DPYD: variants seen among roughly 807,000 people sequenced by gnomAD.
DPYD encodes dihydropyrimidine dehydrogenase, also known as dihydropyrimidine dehydrogenase [NADP(+)].
In DPYD, 109 loss-of-function variants were observed where a neutral mutation model predicts 116.2. The observed-to-expected ratio is 0.94, with a 90% CI of 0.80 to 1.10. DPYD has a LOEUF of 1.10. Among genes scored for constraint, DPYD ranks in the 50% least tolerant of loss-of-function variants. The probability of loss-of-function intolerance (pLI) is 0.00; values close to 1 mark genes in which losing one functional copy is unlikely to be tolerated. For missense variants in DPYD, 1,302 were observed against 1,254.5 expected, an observed-to-expected ratio of 1.04 and a Z score of -0.57; for synonymous variants, 440 against 432.0, an observed-to-expected ratio of 1.02 and a Z score of -0.23.
intron 21 of DPYD, among the ~76,000 whole-genome samples, chr1:97,086,255 A>G (rs1027464676): frequency 4.0e-5 from 6 of 150,718 alleles, no homozygotes; most frequent in African/African-American, 1.2e-4. Context: ...GTTTCACCAT[A>G]TTGGCCCGGC....
intron 16 of DPYD, chr1:97,322,887 T>A (rs529378889): frequency 5.7e-4 from 86 of 152,050 alleles, no homozygotes; most frequent in African/African-American, 2.0e-3. Context: ...CAGCTCCTGT[T>A]TTCTTGTTGT....
chr1:97,711,745 A>T (rs936685410), intron 5 of DPYD, among the ~76,000 whole-genome samples: 1 of 152,054 alleles, frequency 6.6e-6, no homozygotes, highest in African/African-American at 2.4e-5. Context: ...TACATCTTTT[A>T]AGAGTTTTTT....
chr1:97,387,354 T>C lies in DPYD; in HGVS notation c.1906-4893A>G, dbSNP rs181922181. Among the ~76,000 whole-genome samples the C allele has an allele frequency of 1.3e-4, 20 of 152,212 alleles. No individual in the cohort carries two copies. The East Asian group carries it at 3.9e-3, about 29-fold the overall frequency. On this transcript the variant is annotated intron_variant, in intron 14 of 22. Transcript: ENST00000370192. ...GACTTAGCATTTTCGTGTATTCAAC[T>C]TCTAACCAATATTTCTTGAGCTCCA...
intron 5 of DPYD, chr1:97,719,619 T>C (rs1662811403): frequency 1.2e-6 from 1 of 805,136 alleles, no homozygotes; most frequent in South Asian, 5.7e-5. Context: ...GTTACTCGTT[T>C]TGTTGTTTTT....
intron 18 of DPYD, among the ~76,000 whole-genome samples, chr1:97,250,928 A>G (rs1023885254): frequency 2.6e-5 from 4 of 152,210 alleles, no homozygotes; most frequent in African/African-American, 4.8e-5. Context: ...GTATTTAACT[A>G]TACTCCATTA....
At chr1:97,717,502 T>C (rs1453777861) in intron 5 of DPYD, among the ~76,000 whole-genome samples, 1 of 151,982 alleles carries the variant, frequency 6.6e-6, no homozygotes, top group Non-Finnish European at 1.5e-5. Context: ...ACTGGTAAGT[T>C]CTTTAGTAGT....
At chr1:97,571,352 G>T (rs1034173048) in intron 11 of DPYD, among the ~76,000 whole-genome samples, 2 of 151,940 alleles carry the variant, frequency 1.3e-5, no homozygotes, top group Non-Finnish European at 2.9e-5. Flanking sequence ...GAAAGATAAT[G>T]TATTACTACG....
intron 14 of DPYD, among the ~76,000 whole-genome samples, chr1:97,432,007 C>T (rs571828652): frequency 2.1e-4 from 32 of 152,170 alleles, no homozygotes; most frequent in East Asian, 5.8e-4. Flanking sequence ...CAATGTTCTC[C>T]GGTTCCATCT....
intron 3 of DPYD, among the ~76,000 whole-genome samples, chr1:97,779,689 A>G (rs960128185): frequency 2.0e-5 from 3 of 152,080 alleles, no homozygotes; most frequent in African/African-American, 7.2e-5. Flanking sequence ...ATCTTTATCA[A>G]GTATATAAGA....
intron 7 of DPYD, among the ~76,000 whole-genome samples, chr1:97,690,174 T>C (rs1484697316): frequency 1.3e-5 from 2 of 152,196 alleles, no homozygotes; most frequent in Middle Eastern, 3.4e-3. Context: ...TACTTTTTAT[T>C]TGAGCAGATT....
chr1:97,130,367 T>G (rs1430953737), intron 20 of DPYD, among the ~76,000 whole-genome samples: 1 of 152,178 alleles, frequency 6.6e-6, no homozygotes, highest in Non-Finnish European at 1.5e-5. Context: ...AGACATTTCT[T>G]GAGGGAATCC....
intron 16 of DPYD, among the ~76,000 whole-genome samples, chr1:97,307,384 G>A (rs1459597229): frequency 6.6e-6 from 1 of 151,584 alleles, no homozygotes; most frequent in Non-Finnish European, 1.5e-5. Context: ...ATGTAAGAAA[G>A]TTGCTCTTTG....
intron 2 of DPYD, among the ~76,000 whole-genome samples, chr1:97,842,763 GA>G (rs1670099883): frequency 6.6e-6 from 1 of 152,048 alleles, no homozygotes; most frequent in Non-Finnish European, 1.5e-5. Flanking sequence ...AAGGTGAATT[GA>G]CACTAGTGCC....
Position 97,740,427 on chromosome 1 carries a change from C to A in DPYD, c.286G>T (p.Asp96Tyr). 1.2e-6 allele frequency: 2 copies of A among 1,613,076 alleles called. No homozygotes were observed. Among genetic ancestry groups the A allele is most frequent in the East Asian group, 2.2e-5 (1 of 44,800 alleles). ...PCQKSCPTNL[D>Y]IKSFITSIAN... ...ATACTTGTGATGAATGATTTAATAT[C>A]AAGATTAGTTGGACAGCTCTTCTGA... The change falls in exon 4 of 23, where the codon GAT becomes TAT. Residue 96 changes from aspartate to tyrosine, a missense_variant. Coordinates refer to ENST00000370192, the MANE Select transcript of DPYD (RefSeq NM_000110.4).
chr1:97,231,047 C>T (rs913282636), intron 19 of DPYD, among the ~76,000 whole-genome samples: 4 of 152,170 alleles, frequency 2.6e-5, no homozygotes, highest in African/African-American at 9.7e-5. Flanking sequence ...ACATAGTACT[C>T]TATGTATATT....
At chr1:97,442,117 C>T (rs1484259732) in intron 14 of DPYD, among the ~76,000 whole-genome samples, 1 of 152,000 alleles carries the variant, frequency 6.6e-6, no homozygotes, top group Admixed American at 6.6e-5. Flanking sequence ...GTGCTGCATA[C>T]TCAAGAGAAC....
chr1:97,456,020 G>A (rs985890658), intron 13 of DPYD, among the ~76,000 whole-genome samples: 4 of 151,676 alleles, frequency 2.6e-5, no homozygotes, highest in Non-Finnish European at 5.9e-5. Flanking sequence ...AGAAGTTGTA[G>A]CACTGACATT....
At chr1:97,768,840 A>T (rs1666002966) in intron 3 of DPYD, among the ~76,000 whole-genome samples, 2 of 151,786 alleles carry the variant, frequency 1.3e-5, no homozygotes, top group African/African-American at 2.4e-5. Context: ...TAGCAAAACA[A>T]ATTTTACAAA....
intron 18 of DPYD, among the ~76,000 whole-genome samples, chr1:97,257,510 C>G (rs1663576871): frequency 6.8e-6 from 1 of 147,916 alleles, no homozygotes; most frequent in African/African-American, 2.5e-5. Context: ...TATACCATAT[C>G]TCTATATAGT....
Sources: allele counts gnomAD v4.1 joint callset (sites outside exome capture counted in the v4.1 genomes callset), GRCh38; gene constraint gnomAD v4.1.1; transcripts MANE v1.5; gene names NCBI Gene and HGNC (gene_info 2026-07-23, HGNC 2026-07-21).